Variants in ROBO1 observed in about 807,000 individuals in gnomAD.
ROBO1 encodes roundabout guidance receptor 1.
ROBO1 carries 149 observed loss-of-function variants against 195.9 expected under a neutral mutation model. The ratio of observed to expected loss-of-function variants is 0.76; its 90% confidence interval spans 0.67 to 0.87. The LOEUF (loss-of-function observed/expected upper bound fraction) is 0.87. Ranked by LOEUF, ROBO1 falls within the 40% of genes least tolerant of loss-of-function variation. The probability of loss-of-function intolerance (pLI) is 0.00; values close to 1 mark genes in which losing one functional copy is unlikely to be tolerated. For synonymous variants in ROBO1, 816 were observed against 733.2 expected (o/e 1.11, Z -1.82); for missense variants, 1,933 against 2,068.3 (o/e 0.93, Z 1.27).
At chr3:78,944,009 A>G (rs1018563912) in intron 3 of ROBO1, among the ~76,000 whole-genome samples, 49 of 152,224 alleles carry the variant, frequency 3.2e-4, no homozygotes, top group African/African-American at 1.2e-3. Context: ...TTTGTTATAA[A>G]GTCTAAGCAG....
At chr3:78,985,540 A>G (rs532002455) in intron 3 of ROBO1, among the ~76,000 whole-genome samples, 25 of 152,116 alleles carry the variant, frequency 1.6e-4, no homozygotes, top group Admixed American at 6.5e-4. Flanking sequence ...CTGTAATTTT[A>G]TTTGGTAGCA....
At chr3:79,263,163 C>T (rs187399727) in intron 2 of ROBO1, among the ~76,000 whole-genome samples, 4 of 152,186 alleles carry the variant, frequency 2.6e-5, no homozygotes, top group Admixed American at 2.6e-4. Flanking sequence ...GCTCTCAACT[C>T]GGGATAGTTT....
At chr3:79,592,904 C>T (rs760024984) in intron 1 of ROBO1, among the ~76,000 whole-genome samples, 1 of 152,056 alleles carries the variant, frequency 6.6e-6, no homozygotes, top group Non-Finnish European at 1.5e-5. Context: ...CATCCCTCCC[C>T]CTTCCGAACC....
At chr3:79,747,398 G>T (rs985945997) in intron 1 of ROBO1, among the ~76,000 whole-genome samples, 9 of 151,944 alleles carry the variant, frequency 5.9e-5, no homozygotes, top group African/African-American at 2.2e-4. Context: ...AATGAGCTTG[G>T]ATAAATTATA....
At chr3:78,733,011 G>C (rs141320986) in intron 5 of ROBO1, among the ~76,000 whole-genome samples, 194 of 152,124 alleles carry the variant, frequency 1.3e-3, no homozygotes, top group African/African-American at 4.3e-3. Context: ...CAAATTCTTT[G>C]GTTTTAAGGA....
intron 4 of ROBO1, among the ~76,000 whole-genome samples, chr3:78,795,588 G>C (rs1365875669): frequency 1.3e-5 from 2 of 152,176 alleles, no homozygotes; most frequent in East Asian, 3.9e-4. Flanking sequence ...GAGGCACAAC[G>C]GTAAACATGA....
At chr3:79,025,484 G>A (rs1261132233) in intron 3 of ROBO1, among the ~76,000 whole-genome samples, 1 of 152,058 alleles carries the variant, frequency 6.6e-6, no homozygotes, top group Non-Finnish European at 1.5e-5. Context: ...AACAGTGCCT[G>A]GCACTGAGTA....
intron 2 of ROBO1, among the ~76,000 whole-genome samples, chr3:79,569,440 A>G (rs962152637): frequency 1.3e-5 from 2 of 152,238 alleles, no homozygotes; most frequent in Admixed American, 6.5e-5. Flanking sequence ...CTTTCTCAAT[A>G]ATCCAAGGTG....
intron 4 of ROBO1, among the ~76,000 whole-genome samples, chr3:78,840,981 A>G (rs769345692): frequency 1.7e-4 from 26 of 151,804 alleles, no homozygotes; most frequent in Non-Finnish European, 1.5e-4. Context: ...AGAGTGGCGT[A>G]AACCTGGGAG....
In ROBO1 at chr3:78,612,686, G is replaced by A. The variant is rs553241722; in HGVS notation, c.4435+1962C>T. ...TTCAGCATAAAGACTTGTTAGTACA[G>A]TAAACATAACTTGAAGGATAGTTAC... On this transcript the variant is annotated intron_variant, in intron 28 of 30. Coordinates refer to ENST00000464233, the MANE Select transcript of ROBO1 (RefSeq NM_002941.4). 2.0e-3 allele frequency among the ~76,000 whole-genome samples: 303 copies of A among 152,304 alleles called. 4 individuals carry two copies. The highest frequency in any genetic ancestry group is 6.9e-3 in the African/African-American group (287 of 41,578).
At chr3:78,603,322 T>G (rs566229655) in intron 29 of ROBO1, among the ~76,000 whole-genome samples, 2 of 152,268 alleles carry the variant, frequency 1.3e-5, no homozygotes, top group South Asian at 4.1e-4. Flanking sequence ...AATCCTCTTT[T>G]CTTAGGAAAG....
chr3:78,760,723 C>T (rs1300244238), intron 4 of ROBO1, among the ~76,000 whole-genome samples: 1 of 152,092 alleles, frequency 6.6e-6, no homozygotes, highest in African/African-American at 2.4e-5. Context: ...CTCACGGCAA[C>T]ATCAAACTCC....
In ROBO1 at chr3:78,717,361, G is replaced by A. The variant is rs764083397; in HGVS notation, c.831C>T (p.Asp277=). The A allele has an allele frequency of 1.9e-6, 3 of 1,613,268 alleles. No homozygotes were observed. The highest frequency in any genetic ancestry group is 1.7e-5 in the Admixed American group (1 of 59,978). The change falls in exon 7 of 31, where the codon GAC becomes GAT. Residue 277 remains aspartate (D), a synonymous_variant. Transcript: ENST00000464233. The part of the protein sequence containing the change: ...RPSNLAVTVD[D]SAEFKCEARG... ...GGGCCTCACATTTAAATTCTGCACTGTCATCCACAGTTACTGCCAAGTTAC... is the reference window on the plus strand; with the variant it reads ...GGGCCTCACATTTAAATTCTGCACTATCATCCACAGTTACTGCCAAGTTAC...
At chr3:79,413,568 C>T (rs552578930) in intron 2 of ROBO1, among the ~76,000 whole-genome samples, 19 of 152,000 alleles carry the variant, frequency 1.3e-4, no homozygotes, top group African/African-American at 2.4e-4. Context: ...CTAGATGTTT[C>T]GATTTCAAGG....
intron 2 of ROBO1, among the ~76,000 whole-genome samples, chr3:79,428,699 C>T (rs1014794374): frequency 2.6e-5 from 4 of 152,094 alleles, no homozygotes; most frequent in African/African-American, 9.7e-5. Flanking sequence ...TATTCATAAT[C>T]ACCTCCACCT....
rs1338287481 is a variant in ROBO1, at chr3:78,805,691, C to A, written c.500-58791G>T. Among the ~76,000 whole-genome samples, 10 of 152,016 alleles carry A rather than the reference C, an allele frequency of 6.6e-5. No homozygotes were observed. In the East Asian group the frequency reaches 1.9e-3, roughly 29 times the overall value. ...CTTCCATGATATCTTTCAATATTAT[C>A]ATATTGTTTTAAACTCACACTATTT... On this transcript the variant is annotated intron_variant, in intron 4 of 30. Coordinates refer to ENST00000464233, the MANE Select transcript of ROBO1 (RefSeq NM_002941.4).
chr3:79,119,454 T>A (rs928191164), intron 3 of ROBO1, among the ~76,000 whole-genome samples: 3 of 152,182 alleles, frequency 2.0e-5, no homozygotes, highest in African/African-American at 7.2e-5. Context: ...TTCTGTCTCA[T>A]TTGCTTGCTT....
intron 2 of ROBO1, among the ~76,000 whole-genome samples, chr3:79,501,550 T>C (rs1325362062): frequency 6.6e-6 from 1 of 152,198 alleles, no homozygotes; most frequent in Admixed American, 6.5e-5. Context: ...GCTCTGCAGA[T>C]CAAACTGAGG....
At chr3:79,413,129 C>T (rs2106873136) in intron 2 of ROBO1, among the ~76,000 whole-genome samples, 1 of 151,676 alleles carries the variant, frequency 6.6e-6, no homozygotes, top group South Asian at 2.1e-4. Flanking sequence ...AAGTTATTTT[C>T]AGACATTACT....
Sources: gnomAD v4.1 joint callset for allele counts (sites outside exome capture counted in the v4.1 genomes callset) on GRCh38, gnomAD v4.1.1 for gene constraint, MANE v1.5 for transcripts, NCBI Gene and HGNC (gene_info 2026-07-23, HGNC 2026-07-21) for gene names.